The following KCNT2 variants were observed in gnomAD, a reference collection of about 807,000 sequenced individuals.
KCNT2 encodes potassium sodium-activated channel subfamily T member 2.
KCNT2 carries 67 observed loss-of-function variants against 153.8 expected under a neutral mutation model. That is an observed-to-expected ratio of 0.44 (90% CI 0.36 to 0.53). KCNT2 has a LOEUF of 0.53. Ranked by LOEUF, KCNT2 falls within the 20% of genes least tolerant of loss-of-function variation. The probability of loss-of-function intolerance (pLI) is 0.00; values close to 1 mark genes in which losing one functional copy is unlikely to be tolerated. For missense variants in KCNT2, 975 were observed against 1,354.8 expected (o/e 0.72, Z 4.40); for synonymous variants, 500 against 458.8 (o/e 1.09, Z -1.15).
rs942898495 is a variant in KCNT2, at chr1:196,227,207, G to A, written c.*1017C>T. On this transcript the variant is annotated 3_prime_UTR_variant, in exon 28 of 28. Coordinates refer to ENST00000294725, the MANE Select transcript of KCNT2 (RefSeq NM_198503.5). ...AATACATCCTTCATTGAGTGTTATT[G>A]TTTCATTACCAAAGACATAAGGACT... is the stretch of plus-strand genomic sequence containing the variant. 6.6e-6 allele frequency: 1 copy of A among 151,880 alleles called. No individual in the cohort carries two copies. The highest frequency in any genetic ancestry group is 1.5e-5 in the Non-Finnish European group (1 of 67,860). 9.4% of individuals were successfully genotyped at this position (151,880 alleles called of 1,614,324 possible). A position where few individuals can be genotyped will look rare whatever the true frequency, so the allele number is the denominator to read the frequency against.
chr1:196,548,952 C>A (rs1377469752), intron 1 of KCNT2, among the ~76,000 whole-genome samples: 1 of 139,208 alleles, frequency 7.2e-6, no homozygotes, highest in Non-Finnish European at 1.5e-5. Flanking sequence ...GGGAATTGAA[C>A]AATGAGAACA....
chr1:196,377,721 A>G (rs1472261884), intron 13 of KCNT2, among the ~76,000 whole-genome samples: 2 of 152,092 alleles, frequency 1.3e-5, no homozygotes, highest in African/African-American at 4.8e-5. Context: ...AAAATCTAAT[A>G]AAAAGTATAA....
At chr1:196,289,593 A>G (rs1390400717) in intron 22 of KCNT2, among the ~76,000 whole-genome samples, 4 of 152,114 alleles carry the variant, frequency 2.6e-5, no homozygotes, top group African/African-American at 9.6e-5. Context: ...CAAACGTTCG[A>G]GGTTCACTCA....
chr1:196,389,801 C>T (rs1670313589), intron 13 of KCNT2, among the ~76,000 whole-genome samples: 1 of 151,512 alleles, frequency 6.6e-6, no homozygotes, highest in Non-Finnish European at 1.5e-5. Context: ...TAATACTGAT[C>T]TATTTAGAGT....
At chr1:196,260,062 T>C (rs1290189284) in intron 25 of KCNT2, among the ~76,000 whole-genome samples, 1 of 151,900 alleles carries the variant, frequency 6.6e-6, no homozygotes, top group Non-Finnish European at 1.5e-5. Context: ...GTAGCAACAA[T>C]GAAAATATGA....
chr1:196,441,794 G>C (rs1675256950), intron 8 of KCNT2, among the ~76,000 whole-genome samples: 1 of 151,724 alleles, frequency 6.6e-6, no homozygotes, highest in African/African-American at 2.4e-5. Context: ...TAATCATGTA[G>C]TGTGTTGTTC....
chr1:196,261,077 A>G (rs918185733), intron 25 of KCNT2, among the ~76,000 whole-genome samples: 4 of 151,676 alleles, frequency 2.6e-5, no homozygotes, highest in African/African-American at 9.7e-5. Flanking sequence ...TCCATTTATA[A>G]ATATACTTTC....
intron 12 of KCNT2, among the ~76,000 whole-genome samples, chr1:196,405,740 T>A (rs559003942): frequency 6.6e-6 from 1 of 151,650 alleles, no homozygotes; most frequent in East Asian, 2.0e-4. Context: ...AATTGATCTA[T>A]TTACCCTGCA....
intron 14 of KCNT2, among the ~76,000 whole-genome samples, chr1:196,353,084 A>T (rs1666873693): frequency 6.6e-6 from 1 of 151,946 alleles, no homozygotes; most frequent in South Asian, 2.1e-4. Flanking sequence ...GTTGTGCTTC[A>T]GGAAACTCAC....
chr1:196,602,778 T>C (rs1664877768), intron 1 of KCNT2, among the ~76,000 whole-genome samples: 5 of 125,740 alleles, frequency 4.0e-5, no homozygotes, highest in South Asian at 5.8e-4. Context: ...CTATTTTTTT[T>C]TTTTTTTTTT....
chr1:196,342,007 T>C, intron 15 of KCNT2, 72 bp downstream of exon 15: 1 of 1,488,138 alleles, frequency 6.7e-7, no homozygotes, highest in Non-Finnish European at 9.1e-7. Context: ...TGCATTCTAT[T>C]TTTGAAAACT....
chr1:196,512,099 T>C (rs1348661540), intron 1 of KCNT2, among the ~76,000 whole-genome samples: 1 of 152,190 alleles, frequency 6.6e-6, no homozygotes, highest in Non-Finnish European at 1.5e-5. Flanking sequence ...GTGCTCATCG[T>C]ACTTATTCTA....
chr1:196,416,806 T>G (rs1439113785), intron 12 of KCNT2, among the ~76,000 whole-genome samples: 1 of 152,146 alleles, frequency 6.6e-6, no homozygotes, highest in Non-Finnish European at 1.5e-5. Context: ...TATTTTTAAA[T>G]GTACAATTGA....
intron 1 of KCNT2, among the ~76,000 whole-genome samples, chr1:196,599,246 T>G (rs770937533): frequency 2.6e-4 from 39 of 152,242 alleles, no homozygotes; most frequent in Non-Finnish European, 4.3e-4. Context: ...TTATAATATG[T>G]GGACAATCTA....
At chr1:196,460,126 G>T (rs1273538357) in intron 8 of KCNT2, among the ~76,000 whole-genome samples, 1 of 151,752 alleles carries the variant, frequency 6.6e-6, no homozygotes, top group Non-Finnish European at 1.5e-5. Context: ...GGGTTATATG[G>T]AGACAAAATT....
chr1:196,281,994 C>G (rs1197065518), intron 24 of KCNT2, among the ~76,000 whole-genome samples: 2 of 151,928 alleles, frequency 1.3e-5, no homozygotes, highest in African/African-American at 4.8e-5. Flanking sequence ...CATGATCCAC[C>G]CGCCTCAGCC....
Position 196,479,159 on chromosome 1 carries a change from T to C in KCNT2, c.384+20A>G. 1.4e-6 allele frequency: 2 copies of C among 1,417,400 alleles called. No individual in the cohort carries two copies. Among genetic ancestry groups the C allele is most frequent in the Non-Finnish European group, 2.0e-6 (2 of 1,005,372 alleles). The allele number at this position is 1,417,400 out of a possible 1,614,324, so 87.8% of individuals were successfully genotyped here. A position where few individuals can be genotyped will look rare whatever the true frequency, so the allele number is the denominator to read the frequency against. On this transcript the variant is annotated intron_variant, in intron 5 of 27. Coordinates refer to ENST00000294725, the MANE Select transcript of KCNT2 (RefSeq NM_198503.5). ...CAGATGTGTTCTATCAGCGGGAAAC[T>C]GCTAATTAAAATAACTTACCTTATA...
Position 196,397,902 on chromosome 1 carries a change from C to T in KCNT2, c.1294+661G>A, listed in dbSNP as rs577969467. Among the ~76,000 whole-genome samples the T allele has an allele frequency of 2.3e-4, 35 of 151,226 alleles. No homozygotes were observed. In the South Asian group the frequency reaches 4.6e-3, roughly 20 times the overall value. ...GGGATATTTGTGATTGTGGGGAAAA[C>T]GTGCACTTGAATTACTGCTTAAATC... On this transcript the variant is annotated intron_variant, in intron 13 of 27. Transcript: ENST00000294725.
intron 1 of KCNT2, among the ~76,000 whole-genome samples, chr1:196,557,038 A>C (rs1658766829): frequency 6.6e-6 from 1 of 151,180 alleles, no homozygotes; most frequent in Non-Finnish European, 1.5e-5. Context: ...AAATACAAAA[A>C]ATATAGAGTT....
Sources: gnomAD v4.1 joint callset for allele counts (sites outside exome capture counted in the v4.1 genomes callset) on GRCh38, gnomAD v4.1.1 for gene constraint, MANE v1.5 for transcripts, NCBI Gene and HGNC (gene_info 2026-07-23, HGNC 2026-07-21) for gene names.